Variants in TRRAP observed in about 807,000 individuals in gnomAD.
TRRAP encodes transformation/transcription domain-associated protein.
In TRRAP, 41 loss-of-function variants were observed where a neutral mutation model predicts 438.8. The observed-to-expected ratio is 0.09, with a 90% CI of 0.07 to 0.12. The LOEUF (loss-of-function observed/expected upper bound fraction) is 0.12, where lower values mean the gene tolerates loss of function less well. TRRAP is among the 10% of genes least tolerant of loss of function. The probability of loss-of-function intolerance (pLI) is 1.00; values close to 1 mark genes in which losing one functional copy is unlikely to be tolerated. For synonymous variants in TRRAP, 1,994 were observed against 1,962.9 expected, an observed-to-expected ratio of 1.02 and a Z score of -0.42; for missense variants, 3,122 against 5,055.1, an observed-to-expected ratio of 0.62 and a Z score of 11.60.
intron 11 of TRRAP, among the ~76,000 whole-genome samples, chr7:98,902,837 AGCAGGTGGGAGGATT>A (rs1796530828): frequency 6.6e-6 from 1 of 151,532 alleles, no homozygotes; most frequent in Non-Finnish European, 1.5e-5. Flanking sequence ...CTATAATCCC[AGCAGGTGGGAGGATT>A]GCTTGAGCCC....
At chr7:99,009,306 G>A (rs894340452) in intron 70 of TRRAP, among the ~76,000 whole-genome samples, 7 of 152,180 alleles carry the variant, frequency 4.6e-5, no homozygotes, top group African/African-American at 1.7e-4. Context: ...AGACCACAGA[G>A]GTGGATGCTG....
intron 58 of TRRAP, among the ~76,000 whole-genome samples, chr7:98,981,425 G>A (rs771110756): frequency 1.3e-5 from 2 of 152,018 alleles, no homozygotes; most frequent in Admixed American, 6.6e-5. Context: ...TAATAATGCC[G>A]GCTGACTTGT....
rs372648058 is a variant in TRRAP at position 98,890,523 on chromosome 7, C to T, written c.261+78C>T. ...GTTACGAATTAACTCAGAAAACTTA[C>T]GGTTCCACTTAAAAACGAAAGAGGT... On this transcript the variant is annotated intron_variant, in intron 4 of 72. Transcript: ENST00000456197. 3.9e-5 allele frequency: 40 copies of T among 1,021,124 alleles called. 1 individual carries two copies. Among genetic ancestry groups the T allele is most frequent in the Middle Eastern group, 2.2e-4 (1 of 4,568 alleles). 63.3% of individuals were successfully genotyped at this position (1,021,124 alleles called of 1,614,324 possible).
intron 58 of TRRAP, among the ~76,000 whole-genome samples, chr7:98,980,184 A>G (rs1792849229): frequency 6.6e-6 from 1 of 152,164 alleles, no homozygotes; most frequent in Non-Finnish European, 1.5e-5. Flanking sequence ...GATGTCAAAA[A>G]CAAGCCACAG....
At chr7:98,912,363 A>C in intron 18 of TRRAP, 150 bp downstream of exon 18, 2 of 618,470 alleles carry the variant, frequency 3.2e-6, no homozygotes, top group Non-Finnish European at 5.0e-6. Flanking sequence ...GACTATAGGC[A>C]CTCACCACTG....
intron 46 of TRRAP, among the ~76,000 whole-genome samples, 197 bp from the exon 47 acceptor site, chr7:98,962,105 A>C (rs1032297035): frequency 2.6e-5 from 4 of 152,202 alleles, no homozygotes; most frequent in African/African-American, 9.6e-5. Flanking sequence ...AGATTCTGTT[A>C]GCTTTTTTGA....
intron 1 of TRRAP, among the ~76,000 whole-genome samples, chr7:98,879,219 C>T (rs1390075805): frequency 6.6e-6 from 1 of 152,100 alleles, no homozygotes; most frequent in Non-Finnish European, 1.5e-5. Context: ...CCTTCGGCGT[C>T]CGGGGTGGTG....
At chr7:98,916,863 C>G (rs1261407032) in intron 19 of TRRAP, among the ~76,000 whole-genome samples, 1 of 152,166 alleles carries the variant, frequency 6.6e-6, no homozygotes, top group Non-Finnish European at 1.5e-5. Flanking sequence ...TCTCTTCTCC[C>G]TGAGTTCTCG....
rs776445228 is a variant in TRRAP, at chr7:98,964,751, T to C, written c.6952T>C (p.Ser2318Pro). 123 of 1,613,116 alleles carry C rather than the reference T, an allele frequency of 7.6e-5. No homozygotes were observed. The highest frequency in any genetic ancestry group is 9.9e-5 in the Non-Finnish European group (117 of 1,179,726). ...VREHLNPQAASGSTEATSGTS... is the reference protein window; with the variant it reads ...VREHLNPQAAPGSTEATSGTS... The stretch of plus-strand genomic sequence containing the variant: ...GGAGCATTTAAACCCTCAGGCAGCG[T>C]CAGGAAGCACCGAAGCCACCTCAGG... The change falls in exon 48 of 73, where the codon TCA becomes CCA. Residue 2318 changes from serine (S) to proline (P), a missense_variant. Coordinates refer to ENST00000456197, the MANE Select transcript of TRRAP (RefSeq NM_001375524.1).
At chr7:98,962,660 G>A (rs1791964419) in intron 47 of TRRAP, among the ~76,000 whole-genome samples, 1 of 152,194 alleles carries the variant, frequency 6.6e-6, no homozygotes, top group Admixed American at 6.5e-5. Flanking sequence ...CACAGGCTTT[G>A]GTGTGAGGGA....
At position 98,950,914 on chromosome 7, in the gene TRRAP, C is replaced by T; in HGVS notation, c.5373C>T (p.Ser1791=). 1 of 1,600,362 alleles carries T rather than the reference C, an allele frequency of 6.2e-7. No individual in the cohort carries two copies. ...QHILNPAFLY[S]FEKGEGEQLL... is the part of the protein sequence containing the mutation. ...TCTTGAATCCTGCTTTCTTGTACAGCTTTGAGAAGGGGGAAGGAGAGCAGC... is the reference window on the plus strand; with the variant it reads ...TCTTGAATCCTGCTTTCTTGTACAGTTTTGAGAAGGGGGAAGGAGAGCAGC... Residue 1791 remains serine, a synonymous_variant, in exon 39 of 73, where the codon AGC becomes AGT. Transcript: ENST00000456197.
rs567786915 is a variant in TRRAP, at chr7:98,919,692, A to G, written c.2622+2013A>G. ...ATTGATGAGAGCCTGCCTTTAGAAC[A>G]GTAGTATTGGTTCTACAAGGCAAAC... On this transcript the variant is annotated intron_variant, in intron 20 of 72. Transcript: ENST00000456197. 4.5e-4 allele frequency among the ~76,000 whole-genome samples: 68 copies of G among 152,358 alleles called. 1 individual carries two copies. The highest frequency in any genetic ancestry group is 3.4e-3 in the Middle Eastern group (1 of 294).
At chr7:98,930,594 T>C in intron 24 of TRRAP, 39 bp from the exon 25 acceptor site, 1 of 1,606,602 alleles carries the variant, frequency 6.2e-7, no homozygotes, top group Non-Finnish European at 8.5e-7. Flanking sequence ...AAACAAGAAT[T>C]GCAGTAACGT....
chr7:98,953,387 C>T lies in TRRAP; in HGVS notation c.5684C>T (p.Ala1895Val), dbSNP rs782737208. The T allele has an allele frequency of 2.5e-6, 4 of 1,613,314 alleles. No individual in the cohort carries two copies. The highest frequency in any genetic ancestry group is 2.5e-6 in the Non-Finnish European group (3 of 1,180,022). Residue 1895 changes from alanine to valine, a missense_variant, in exon 40 of 73, where the codon GCG becomes GTG. Physicochemically the swap from Ala to Val is moderately conservative, Grantham distance 64. Around this residue, in one of 24 missense-constraint regions of TRRAP, gnomAD observed 22 missense variants for 28.8 expected, o/e 0.76. Coordinates refer to ENST00000456197, the MANE Select transcript of TRRAP (RefSeq NM_001375524.1). ...ACKYSGHLLLAHIIAKFAIHK... is the reference protein window; with the variant it reads ...ACKYSGHLLLVHIIAKFAIHK... ...AAGTACAGCGGACACTTGCTCCTGG[C>T]GCACATTATCGCCAAATTCGCCATA...
In TRRAP at chr7:98,947,132, A is replaced by G. The variant is rs545556572; in HGVS notation, c.4549-1089A>G. 9.1e-4 allele frequency among the ~76,000 whole-genome samples: 138 copies of G among 152,350 alleles called. 1 individual carries two copies. The highest frequency in any genetic ancestry group is 2.3e-3 in the South Asian group (11 of 4,830). ...CAGCGCGCACAGCGCAGCACGGCAC[A>G]TTGGAACGTGTCCCTCCCTTGTGGC... On this transcript the variant is annotated intron_variant, in intron 33 of 72. Coordinates refer to ENST00000456197, the MANE Select transcript of TRRAP (RefSeq NM_001375524.1).
intron 30 of TRRAP, among the ~76,000 whole-genome samples, chr7:98,938,988 T>G (rs1554414966): frequency 6.6e-6 from 1 of 152,180 alleles, no homozygotes; most frequent in African/African-American, 2.4e-5. Flanking sequence ...GAGAAATAAT[T>G]ATGCAGGAAA....
chr7:98,918,518 G>A (rs1440519795), intron 20 of TRRAP, among the ~76,000 whole-genome samples: 2 of 151,712 alleles, frequency 1.3e-5, no homozygotes, highest in South Asian at 2.1e-4. Context: ...GCGAGTCACC[G>A]TGCCTGGCGA....
At chr7:99,008,015 G>A (rs923289657) in intron 69 of TRRAP, among the ~76,000 whole-genome samples, 10 of 151,476 alleles carry the variant, frequency 6.6e-5, no homozygotes, top group Non-Finnish European at 1.3e-4. Context: ...TAGTAGAGAC[G>A]AGGTTTCACC....
At chr7:98,929,157 G>A (rs940066841) in intron 23 of TRRAP, among the ~76,000 whole-genome samples, 2 of 151,886 alleles carry the variant, frequency 1.3e-5, no homozygotes, top group African/African-American at 4.8e-5. Flanking sequence ...GGTCAGGCTG[G>A]TCTCATACTC....
Sources: gnomAD v4.1 joint callset for allele counts (sites outside exome capture counted in the v4.1 genomes callset) on GRCh38, gnomAD v4.1.1 for gene constraint, gnomAD v4.1.1 regional missense constraint, MANE v1.5 for transcripts, NCBI Gene and HGNC (gene_info 2026-07-23, HGNC 2026-07-21) for gene names.